RSPRY1: variants seen among roughly 807,000 people sequenced by gnomAD.
RSPRY1 encodes RING finger and SPRY domain-containing protein 1.
Under a neutral mutation model 73.1 loss-of-function variants are expected in RSPRY1, and 23 were observed. The observed-to-expected ratio is 0.31, with a 90% CI of 0.23 to 0.45. The LOEUF is 0.45. RSPRY1 is among the 20% of genes least tolerant of loss of function. RSPRY1 has a pLI of 1.00. For missense variants in RSPRY1, 448 were observed against 698.7 expected, an observed-to-expected ratio of 0.64 and a Z score of 4.05; for synonymous variants, 226 against 251.4, an observed-to-expected ratio of 0.90 and a Z score of 0.95.
chr16:57,199,393 GAGGCAGGAGAATCACT>G (rs2074516390), intron 1 of RSPRY1, among the ~76,000 whole-genome samples: 1 of 152,168 alleles, frequency 6.6e-6, no homozygotes, highest in Non-Finnish European at 1.5e-5. Context: ...TCAGGAGGCT[GAGGCAGGAGAATCACT>G]TGAACGTGGG....
chr16:57,226,859 C>T (rs917242338), intron 10 of RSPRY1, among the ~76,000 whole-genome samples: 3 of 152,136 alleles, frequency 2.0e-5, no homozygotes, highest in Non-Finnish European at 4.4e-5. Context: ...TTTACCCTGC[C>T]CCTATTCAAG....
At chr16:57,238,036 T>G (rs1242021982) in intron 14 of RSPRY1, among the ~76,000 whole-genome samples, 4 of 152,196 alleles carry the variant, frequency 2.6e-5, no homozygotes, top group African/African-American at 9.7e-5. Flanking sequence ...CTCTTCTAGC[T>G]ATATGTATAA....
At chr16:57,238,449 T>TAAAA (rs2075332889) in intron 14 of RSPRY1, among the ~76,000 whole-genome samples, 1 of 152,160 alleles carries the variant, frequency 6.6e-6, no homozygotes, top group African/African-American at 2.4e-5. Flanking sequence ...GGCAGAATAA[T>TAAAA]GGAATACAAT....
chr16:57,190,626 G>A (rs573875298), intron 1 of RSPRY1, among the ~76,000 whole-genome samples: 2 of 152,330 alleles, frequency 1.3e-5, no homozygotes, highest in East Asian at 3.9e-4. Flanking sequence ...TTGAAAAGCA[G>A]AATAATCACG....
intron 1 of RSPRY1, among the ~76,000 whole-genome samples, chr16:57,196,385 G>GC (rs1402372338): frequency 2.6e-5 from 4 of 152,118 alleles, no homozygotes; most frequent in Non-Finnish European, 4.4e-5. Flanking sequence ...ATTTCAGTTT[G>GC]CCCCCTAGTT....
chr16:57,188,027 G>A (rs1350562012), intron 1 of RSPRY1, among the ~76,000 whole-genome samples: 1 of 152,150 alleles, frequency 6.6e-6, no homozygotes, highest in African/African-American at 2.4e-5. Flanking sequence ...ATGTCTACAG[G>A]CAGTGAATAT....
In RSPRY1 at chr16:57,239,701, AAAT is replaced by A. The variant is rs1258945465; in HGVS notation, c.*727_*729del. 1 of 151,960 alleles carries A rather than the reference AAAT, an allele frequency of 6.6e-6. No individual in the cohort carries two copies. Among genetic ancestry groups the A allele is most frequent in the African/African-American group, 2.4e-5 (1 of 41,374 alleles). 9.4% of individuals were successfully genotyped at this position (151,960 alleles called of 1,614,324 possible). On this transcript the variant is annotated 3_prime_UTR_variant, in exon 15 of 15. Coordinates refer to ENST00000394420, the MANE Select transcript of RSPRY1 (RefSeq NM_133368.3). ...TCAGTACCCACATTTAATGAGGAAA[AAAT>A]GTTTTACCAATGAAGGAGGAATTCT...
At chr16:57,209,667 CTCTG>C (rs1175951546) in intron 4 of RSPRY1, among the ~76,000 whole-genome samples, 5 of 151,910 alleles carry the variant, frequency 3.3e-5, no homozygotes, top group South Asian at 2.1e-4. Flanking sequence ...GCACCCAGCC[CTCTG>C]TCTTTTTATT....
At chr16:57,225,514 C>T (rs112587041) in intron 10 of RSPRY1, among the ~76,000 whole-genome samples, 20 of 152,308 alleles carry the variant, frequency 1.3e-4, no homozygotes, top group African/African-American at 4.6e-4. Flanking sequence ...ATCATTGTTG[C>T]ATTCATCAGA....
chr16:57,214,013 T>A, intron 6 of RSPRY1, 67 bp downstream of exon 6: 3 of 1,060,982 alleles, frequency 2.8e-6, no homozygotes, highest in Non-Finnish European at 4.4e-6. Flanking sequence ...GAACTGTGCA[T>A]TTTCTCAAAT....
At position 57,230,821 on chromosome 16, in the gene RSPRY1, G is replaced by A. The variant is rs2075205863; in HGVS notation, c.1376+8G>A. 9.1e-6 allele frequency: 14 copies of A among 1,530,478 alleles called. No individual in the cohort carries two copies. The highest frequency in any genetic ancestry group is 1.3e-5 in the Non-Finnish European group (14 of 1,107,376). 94.8% of individuals were successfully genotyped at this position (1,530,478 alleles called of 1,614,324 possible). On this transcript the variant is annotated splice_region_variant and intron_variant, in intron 12 of 14. Coordinates refer to ENST00000394420, the MANE Select transcript of RSPRY1 (RefSeq NM_133368.3). ...AGTCTTTTCATCTACTGTGTAAGTAGCTCTTCTCAGTCAAAAATTCGAGTA... is the reference window on the plus strand; with the variant it reads ...AGTCTTTTCATCTACTGTGTAAGTAACTCTTCTCAGTCAAAAATTCGAGTA...
chr16:57,209,899 C>G (rs773694744), intron 4 of RSPRY1, among the ~76,000 whole-genome samples: 1 of 151,924 alleles, frequency 6.6e-6, no homozygotes, highest in Middle Eastern at 3.2e-3. Flanking sequence ...GGTCTTGAAA[C>G]TCCTGGGCTC....
intron 14 of RSPRY1, 122 bp from the exon 15 acceptor site, chr16:57,238,757 A>G: frequency 5.5e-6 from 3 of 542,268 alleles, no homozygotes; most frequent in South Asian, 5.8e-5. Context: ...TTTTTAAACC[A>G]TGTATAATTA....
intron 1 of RSPRY1, among the ~76,000 whole-genome samples, chr16:57,203,372 T>C (rs1331783353): frequency 6.6e-6 from 1 of 152,182 alleles, no homozygotes; most frequent in African/African-American, 2.4e-5. Flanking sequence ...TAAATTTTGT[T>C]TATATTATTC....
At chr16:57,201,951 AAGAG>A (rs1275432358) in intron 1 of RSPRY1, among the ~76,000 whole-genome samples, 2 of 151,782 alleles carry the variant, frequency 1.3e-5, no homozygotes, top group Non-Finnish European at 2.9e-5. Flanking sequence ...AGACCGTGGA[AAGAG>A]AGAGAGAGGG....
In RSPRY1 at chr16:57,195,589, C is replaced by T. The variant is rs577595087; in HGVS notation, c.-155-8915C>T. Among the ~76,000 whole-genome samples, 28 of 151,216 alleles carry T rather than the reference C, an allele frequency of 1.9e-4. No homozygotes were observed. The South Asian group carries it at 5.8e-3, about 32-fold the overall frequency. On this transcript the variant is annotated intron_variant, in intron 1 of 14. Coordinates refer to ENST00000394420, the MANE Select transcript of RSPRY1 (RefSeq NM_133368.3). ...TGGTAAGAAGAGTCCTTCTACTAAG[C>T]ACTGGCATCCAGTGATAAAAATTAT...
At chr16:57,220,641 T>C (rs543757899) in intron 8 of RSPRY1, 91 bp from the exon 9 acceptor site, 10 of 704,014 alleles carry the variant, frequency 1.4e-5, no homozygotes, top group African/African-American at 1.1e-4. Context: ...CCTTTATTTC[T>C]TCCTCTTGTC....
Sources: allele counts gnomAD v4.1 joint callset (sites outside exome capture counted in the v4.1 genomes callset), GRCh38; gene constraint gnomAD v4.1.1; transcripts MANE v1.5; gene names NCBI Gene and HGNC (gene_info 2026-07-23, HGNC 2026-07-21).